Variants in UBE2E3 observed in about 807,000 individuals in gnomAD.
UBE2E3 encodes ubiquitin conjugating enzyme E2 E3, also known as ubiquitin-conjugating enzyme E2 E3.
A neutral mutation model predicts 23.6 loss-of-function variants in UBE2E3; 5 were observed. The observed-to-expected ratio is 0.21, with a 90% confidence interval of 0.11 to 0.44. The LOEUF is 0.44. Ranked by LOEUF, UBE2E3 falls within the 20% of genes least tolerant of loss-of-function variation. The pLI is 0.99. For synonymous variants in UBE2E3, 78 were observed against 87.5 expected, an observed-to-expected ratio of 0.89 and a Z score of 0.60; for missense variants, 81 against 249.8, an observed-to-expected ratio of 0.32 and a Z score of 4.55.
chr2:181,014,798 A>T (rs760955348), intron 3 of UBE2E3, among the ~76,000 whole-genome samples: 1 of 152,172 alleles, frequency 6.6e-6, no homozygotes, highest in African/African-American at 2.4e-5. Context: ...TAATGATCAA[A>T]TGGGGATAAT....
chr2:180,994,281 CAT>C (rs1474931509), intron 3 of UBE2E3, among the ~76,000 whole-genome samples: 1 of 152,126 alleles, frequency 6.6e-6, no homozygotes, highest in Non-Finnish European at 1.5e-5. Context: ...GAACTTGAAA[CAT>C]ATGCAAAAGT....
chr2:181,023,122 C>T (rs560065794), intron 3 of UBE2E3, among the ~76,000 whole-genome samples: 1 of 152,176 alleles, frequency 6.6e-6, no homozygotes, highest in East Asian at 1.9e-4. Context: ...CCTTGACTTA[C>T]AGTGGGGCCG....
chr2:181,048,928 A>G (rs1194671652), intron 3 of UBE2E3, among the ~76,000 whole-genome samples: 2 of 152,228 alleles, frequency 1.3e-5, no homozygotes, highest in East Asian at 3.9e-4. Flanking sequence ...GATTTTCCTG[A>G]GCCCCAGCCG....
At chr2:181,060,446 T>C (rs1257160834) in intron 4 of UBE2E3, among the ~76,000 whole-genome samples, 2 of 151,714 alleles carry the variant, frequency 1.3e-5, no homozygotes, top group Admixed American at 6.6e-5. Flanking sequence ...GTATAACTGA[T>C]CAGTTCCTCA....
At chr2:181,059,605 CT>C (rs1687079588) in intron 4 of UBE2E3, among the ~76,000 whole-genome samples, 1 of 151,596 alleles carries the variant, frequency 6.6e-6, no homozygotes, top group Non-Finnish European at 1.5e-5. Flanking sequence ...TACACATTTT[CT>C]TTTTGGTACT....
At chr2:181,000,817 G>T (rs1190067446) in intron 3 of UBE2E3, among the ~76,000 whole-genome samples, 1 of 152,198 alleles carries the variant, frequency 6.6e-6, no homozygotes, top group Non-Finnish European at 1.5e-5. Context: ...GGCTTCCAAA[G>T]TGAGAGTAAC....
At chr2:181,049,554 C>T (rs1047921169) in intron 3 of UBE2E3, among the ~76,000 whole-genome samples, 3 of 151,992 alleles carry the variant, frequency 2.0e-5, no homozygotes, top group African/African-American at 7.2e-5. Flanking sequence ...ACACAATAGA[C>T]TTGACTGCGT....
intron 3 of UBE2E3, among the ~76,000 whole-genome samples, chr2:180,991,197 A>G (rs541654836): frequency 6.6e-6 from 1 of 151,788 alleles, no homozygotes; most frequent in African/African-American, 2.4e-5. Context: ...AATTGTAGAT[A>G]AGCAGTTATG....
At chr2:180,998,339 A>C (rs4666667) in intron 3 of UBE2E3, among the ~76,000 whole-genome samples, 35,209 of 151,926 alleles carry the variant, frequency 0.23, 4,443 homozygotes, top group Non-Finnish European at 0.28. Context: ...TAGTAGGCCA[A>C]GGGTGGCCTA....
chr2:181,016,919 G>A (rs1426406032), intron 3 of UBE2E3, among the ~76,000 whole-genome samples: 1 of 152,188 alleles, frequency 6.6e-6, no homozygotes, highest in Non-Finnish European at 1.5e-5. Context: ...CCAGAGAGAG[G>A]GAACCTCTTT....
chr2:181,001,092 A>G (rs190961231), intron 3 of UBE2E3, among the ~76,000 whole-genome samples: 2 of 152,342 alleles, frequency 1.3e-5, no homozygotes, highest in Non-Finnish European at 2.9e-5. Flanking sequence ...AACTTGGGAC[A>G]ATTTGCATTA....
At chr2:181,057,901 T>C (rs1191914985) in intron 4 of UBE2E3, 76 bp downstream of exon 4, 5 of 1,408,052 alleles carry the variant, frequency 3.6e-6, no homozygotes, top group African/African-American at 2.9e-5. Flanking sequence ...CTTAAATGTG[T>C]ATTGATGCAG....
At chr2:180,987,036 T>A (rs1467846977) in intron 3 of UBE2E3, among the ~76,000 whole-genome samples, 1 of 152,150 alleles carries the variant, frequency 6.6e-6, no homozygotes, top group Non-Finnish European at 1.5e-5. Context: ...TTGATAGCAT[T>A]GATATTTCTT....
chr2:181,013,477 CTGTTGGCAAATGGCCCTAGTTTCTTGACT>C (rs149735276), intron 3 of UBE2E3, among the ~76,000 whole-genome samples: 32,949 of 151,940 alleles, frequency 0.22, 4,154 homozygotes, highest in Non-Finnish European at 0.28. Flanking sequence ...TCCTCACTGG[CTGTTGGCAAATGGCCCTAGTTTCTTGACT>C]TGTTGGCCTA....
At chr2:181,007,995 G>A (rs55742474) in intron 3 of UBE2E3, among the ~76,000 whole-genome samples, 2,947 of 152,280 alleles carry the variant, frequency 0.019, 84 homozygotes, top group African/African-American at 0.067. Context: ...TGAAATTAAA[G>A]CCAAACAAAT....
chr2:181,062,528 A>G (rs1687190243), intron 5 of UBE2E3, among the ~76,000 whole-genome samples: 1 of 151,710 alleles, frequency 6.6e-6, no homozygotes, highest in Admixed American at 6.6e-5. Context: ...TTGTATATTA[A>G]AGACATATCT....
chr2:180,985,407 G>A (rs968373211), intron 3 of UBE2E3, among the ~76,000 whole-genome samples: 1 of 151,996 alleles, frequency 6.6e-6, no homozygotes, highest in African/African-American at 2.4e-5. Flanking sequence ...ACAAAAGGAT[G>A]TATAATACTG....
chr2:181,001,871 T>A (rs1050736237), intron 3 of UBE2E3, among the ~76,000 whole-genome samples: 1 of 152,202 alleles, frequency 6.6e-6, no homozygotes, highest in African/African-American at 2.4e-5. Flanking sequence ...AAATTTTTAT[T>A]ATTTTTTAAT....
chr2:181,020,666 A>G (rs1417945715), intron 3 of UBE2E3, among the ~76,000 whole-genome samples: 5 of 152,238 alleles, frequency 3.3e-5, no homozygotes, highest in Non-Finnish European at 5.9e-5. Flanking sequence ...TCTAAGTTCA[A>G]ATAAAAGCCA....
Sources: gnomAD v4.1 joint callset for allele counts (sites outside exome capture counted in the v4.1 genomes callset) on GRCh38, gnomAD v4.1.1 for gene constraint, MANE v1.5 for transcripts, NCBI Gene and HGNC (gene_info 2026-07-23, HGNC 2026-07-21) for gene names.